Variants in SPTSSA observed in about 807,000 individuals in gnomAD.
SPTSSA encodes small subunit of serine palmitoyltransferase A.
Under a neutral mutation model 9.1 loss-of-function variants are expected in SPTSSA, and 8 were observed. That is an observed-to-expected ratio of 0.88 (90% confidence interval 0.51 to 1.58). The LOEUF is 1.58. SPTSSA is among the 40% of genes most tolerant of loss of function. The pLI is 0.00. For missense variants in SPTSSA, 100 were observed against 93.8 expected (o/e 1.07, Z -0.27); for synonymous variants, 42 against 37.7 (o/e 1.11, Z -0.41).
At chr14:34,460,955 C>G (rs972877731) in intron 1 of SPTSSA, among the ~76,000 whole-genome samples, 1 of 152,164 alleles carries the variant, frequency 6.6e-6, no homozygotes, top group Non-Finnish European at 1.5e-5. Flanking sequence ...CTCAAAAGTG[C>G]TTAAACAAAA....
chr14:34,438,237 G>T (rs1202320070), intron 1 of SPTSSA, among the ~76,000 whole-genome samples: 1 of 151,844 alleles, frequency 6.6e-6, no homozygotes, highest in Non-Finnish European at 1.5e-5. Flanking sequence ...ACAACTACAG[G>T]TTGAGTATCC....
intron 1 of SPTSSA, among the ~76,000 whole-genome samples, chr14:34,458,387 T>C (rs969562591): frequency 6.6e-6 from 1 of 152,096 alleles, no homozygotes; most frequent in Non-Finnish European, 1.5e-5. Context: ...TTTCACCATG[T>C]TTTCTAGGCT....
intron 1 of SPTSSA, among the ~76,000 whole-genome samples, chr14:34,461,053 C>T (rs1173380685): frequency 6.6e-6 from 1 of 152,200 alleles, no homozygotes; most frequent in African/African-American, 2.4e-5. Flanking sequence ...CAGTCACTCA[C>T]TGGAATGCAA....
chr14:34,449,316 G>A (rs1165762242), intron 1 of SPTSSA, among the ~76,000 whole-genome samples: 1 of 152,110 alleles, frequency 6.6e-6, no homozygotes, highest in Non-Finnish European at 1.5e-5. Flanking sequence ...TATCACTTGA[G>A]CCCAGAAAGC....
intron 1 of SPTSSA, among the ~76,000 whole-genome samples, chr14:34,445,101 T>C (rs959542635): frequency 1.3e-5 from 2 of 151,888 alleles, no homozygotes; most frequent in African/African-American, 4.8e-5. Context: ...AAAAAAAATT[T>C]TAAAAAGACT....
chr14:34,460,771 G>C (rs889438951), intron 1 of SPTSSA, among the ~76,000 whole-genome samples: 1 of 152,124 alleles, frequency 6.6e-6, no homozygotes, highest in Non-Finnish European at 1.5e-5. Context: ...ATGACCTTGC[G>C]AGCCCTAAAG....
rs1883181262 is a variant in SPTSSA at position 34,432,895 on chromosome 14, G to GT, written c.*2305dup. The GT allele has an allele frequency of 6.6e-6, 1 of 151,510 alleles. No homozygotes were observed. The highest frequency in any genetic ancestry group is 1.5e-5 in the Non-Finnish European group (1 of 67,916). The allele number at this position is 151,510 out of a possible 1,614,324, so 9.4% of individuals were successfully genotyped here. On this transcript the variant is annotated 3_prime_UTR_variant, in exon 2 of 2. Transcript: ENST00000298130. ...TAATAGACTACAGGATGGTGTAAAT[G>GT]TAACTTTTATATGCAGGGGAAAACC...
intron 1 of SPTSSA, among the ~76,000 whole-genome samples, chr14:34,449,665 G>T (rs373408734): frequency 2.0e-4 from 31 of 151,746 alleles, no homozygotes; most frequent in African/African-American, 6.3e-4. Flanking sequence ...ACCACGCCCA[G>T]CTGATTTTTA....
At chr14:34,460,282 T>C (rs2138838409) in intron 1 of SPTSSA, among the ~76,000 whole-genome samples, 1 of 152,324 alleles carries the variant, frequency 6.6e-6, no homozygotes, top group South Asian at 2.1e-4. Flanking sequence ...ATAAGATTTT[T>C]TTATCTTAAG....
At chr14:34,442,877 A>C (rs1594618851) in intron 1 of SPTSSA, among the ~76,000 whole-genome samples, 1 of 152,092 alleles carries the variant, frequency 6.6e-6, no homozygotes, top group East Asian at 1.9e-4. Context: ...TAAAACCGCC[A>C]AGCTTGTATT....
chr14:34,442,880 C>T (rs1594618854), intron 1 of SPTSSA, among the ~76,000 whole-genome samples: 1 of 152,056 alleles, frequency 6.6e-6, no homozygotes, highest in East Asian at 1.9e-4. Context: ...AACCGCCAAG[C>T]TTGTATTATT....
chr14:34,449,177 T>C (rs1594622456), intron 1 of SPTSSA, among the ~76,000 whole-genome samples: 1 of 147,680 alleles, frequency 6.8e-6, no homozygotes, highest in African/African-American at 2.5e-5. Flanking sequence ...ATCACCTTGG[T>C]TCAAGACTAA....
chr14:34,456,149 C>T (rs1176653335), intron 1 of SPTSSA, among the ~76,000 whole-genome samples: 2 of 151,620 alleles, frequency 1.3e-5, no homozygotes, highest in African/African-American at 2.4e-5. Context: ...GGTGAAACCC[C>T]GTCTCTACTA....
intron 1 of SPTSSA, among the ~76,000 whole-genome samples, chr14:34,456,898 CAA>C (rs1195715563): frequency 7.9e-6 from 1 of 126,502 alleles, no homozygotes. Context: ...GACTCCATCT[CAA>C]AAAAAAAAAG....
intron 1 of SPTSSA, among the ~76,000 whole-genome samples, chr14:34,439,185 G>A (rs890124043): frequency 1.4e-4 from 22 of 152,142 alleles, no homozygotes; most frequent in African/African-American, 9.7e-5. Context: ...CTGACCTTTT[G>A]TATCTTCTTA....
rs2138813192 is a variant in SPTSSA at position 34,433,787 on chromosome 14, C to T, written c.*1414G>A. The T allele has an allele frequency of 6.6e-6, 1 of 152,012 alleles. No homozygotes were observed. Among genetic ancestry groups the T allele is most frequent in the East Asian group, 1.9e-4 (1 of 5,154 alleles). The allele number at this position is 152,012 out of a possible 1,614,324, so 9.4% of individuals were successfully genotyped here. A position where few individuals can be genotyped will look rare whatever the true frequency, so the allele number is the denominator to read the frequency against. On this transcript the variant is annotated 3_prime_UTR_variant, in exon 2 of 2. Coordinates refer to ENST00000298130, the MANE Select transcript of SPTSSA (RefSeq NM_138288.4). ...GACCATCCTGGCCAACACAGTGAAA[C>T]CCCGTCTCTACTACAGATACAAAAA...
rs563434624 is a variant in SPTSSA, at chr14:34,461,588, T to C, written c.112+508A>G. Among the ~76,000 whole-genome samples, 174 of 152,314 alleles carry C rather than the reference T, an allele frequency of 1.1e-3. 2 individuals are homozygous for C. The South Asian group carries it at 0.035, about 30-fold the overall frequency. On this transcript the variant is annotated intron_variant, in intron 1 of 1. Transcript: ENST00000298130. ...AACTTAAACTGCTTTCAAAAACTACTGGAGTGTCATGCCTACAAATTCAGA... is the reference window on the plus strand; with the variant it reads ...AACTTAAACTGCTTTCAAAAACTACCGGAGTGTCATGCCTACAAATTCAGA...
rs61748988 is a variant in SPTSSA at position 34,435,294 on chromosome 14, C to G, written c.123G>C (p.Leu41=). The G allele has an allele frequency of 6.2e-7, 1 of 1,610,512 alleles. No homozygotes were observed. The highest frequency in any genetic ancestry group is 1.3e-5 in the African/African-American group (1 of 74,776). ...ATAGTGCCATCCCCACAATGGAAAC[C>G]AGCATGGAATCTGAGTTGTAGTTAA... is the stretch of plus-strand genomic sequence containing the variant. ...PWERTVFNSM[L]VSIVGMALYT... is the part of the protein sequence containing the mutation. The change falls in exon 2 of 2, where the codon CTG becomes CTC. Residue 41 remains leucine, a synonymous_variant. Transcript: ENST00000298130.
chr14:34,448,849 A>C (rs1435701809), intron 1 of SPTSSA, among the ~76,000 whole-genome samples: 3 of 151,392 alleles, frequency 2.0e-5, no homozygotes, highest in African/African-American at 7.3e-5. Context: ...AAAATTAAAA[A>C]ATTAGCTGGG....
Sources: allele counts gnomAD v4.1 joint callset (sites outside exome capture counted in the v4.1 genomes callset), GRCh38; gene constraint gnomAD v4.1.1; transcripts MANE v1.5; gene names NCBI Gene and HGNC (gene_info 2026-07-23, HGNC 2026-07-21).